The following ENPEP variants were observed in gnomAD, a reference collection of about 807,000 sequenced individuals.
The protein encoded by ENPEP is AP-A.
Under a neutral mutation model 114.5 loss-of-function variants are expected in ENPEP, and 103 were observed. That is an observed-to-expected ratio of 0.90 (90% CI 0.77 to 1.06). ENPEP has a LOEUF of 1.06. ENPEP is among the 50% of genes least tolerant of loss of function. The pLI, the probability that ENPEP is intolerant of heterozygous loss-of-function variation, is 0.00. For synonymous variants in ENPEP, 420 were observed against 422.0 expected (o/e 1.00, Z 0.06); for missense variants, 1,196 against 1,161.3 (o/e 1.03, Z -0.43).
intron 14 of ENPEP, 68 bp downstream of exon 14, chr4:110,548,394 G>C: frequency 7.5e-7 from 1 of 1,325,246 alleles, no homozygotes; most frequent in Non-Finnish European, 9.9e-7. Flanking sequence ...GATGCTTTCT[G>C]AGAGAAGGAG....
rs749749126 is a variant in ENPEP at position 110,564,459 on chromosome 4, G to A, written c.*2901G>A. ...AATAGTAGCTACCTCAATGGTAGTT[G>A]TGAGGATTAAATACAAAAATGCATG... On this transcript the variant is annotated 3_prime_UTR_variant, in exon 20 of 20. Transcript: ENST00000265162. 6 of 152,154 alleles carry A rather than the reference G, an allele frequency of 3.9e-5. No individual in the cohort carries two copies. Among genetic ancestry groups the A allele is most frequent in the African/African-American group, 1.2e-4 (5 of 41,434 alleles). 9.4% of individuals were successfully genotyped at this position (152,154 alleles called of 1,614,324 possible).
At chr4:110,530,977 G>T (rs1449139861) in intron 10 of ENPEP, among the ~76,000 whole-genome samples, 1 of 152,012 alleles carries the variant, frequency 6.6e-6, no homozygotes, top group African/African-American at 2.4e-5. Flanking sequence ...GCTAATTTTT[G>T]ATGCAATTTC....
chr4:110,506,608 C>T (rs1725376349), intron 3 of ENPEP, 29 bp from the exon 4 acceptor site: 1 of 1,571,638 alleles, frequency 6.4e-7, no homozygotes, highest in Non-Finnish European at 8.6e-7. Context: ...GAATAATTTT[C>T]ACTGAATTTT....
chr4:110,545,565 C>T lies in ENPEP; in HGVS notation c.2000+2495C>T, dbSNP rs138806321. On this transcript the variant is annotated intron_variant, in intron 13 of 19. Transcript: ENST00000265162. Reference sequence around the variant, plus strand: ...TGTCTCCCGAGTCACCGTGCTGCCTCTGGTTTCTCCAAAGTTAAGGCAAAG... The same window carrying T: ...TGTCTCCCGAGTCACCGTGCTGCCTTTGGTTTCTCCAAAGTTAAGGCAAAG... Among the ~76,000 whole-genome samples the T allele has an allele frequency of 6.0e-4, 91 of 152,116 alleles. 1 individual carries two copies. The highest frequency in any genetic ancestry group is 2.2e-3 in the African/African-American group (90 of 41,538).
intron 10 of ENPEP, among the ~76,000 whole-genome samples, chr4:110,529,323 T>A (rs745603826): frequency 3.3e-5 from 5 of 152,288 alleles, no homozygotes; most frequent in Middle Eastern, 3.4e-3. Context: ...AGATGTGGCA[T>A]CTTAGGAATG....
chr4:110,487,144 C>T (rs1724536350), intron 1 of ENPEP, among the ~76,000 whole-genome samples: 1 of 152,116 alleles, frequency 6.6e-6, no homozygotes, highest in South Asian at 2.1e-4. Context: ...AATGTTATCC[C>T]CCATGAGGAA....
At chr4:110,517,771 A>T (rs1725834766) in intron 8 of ENPEP, among the ~76,000 whole-genome samples, 1 of 152,246 alleles carries the variant, frequency 6.6e-6, no homozygotes, top group Non-Finnish European at 1.5e-5. Flanking sequence ...TATGGAATGA[A>T]TTTACACAAA....
intron 3 of ENPEP, among the ~76,000 whole-genome samples, chr4:110,500,419 C>T (rs931593737): frequency 2.6e-5 from 4 of 152,194 alleles, no homozygotes; most frequent in East Asian, 1.9e-4. Flanking sequence ...CTTTGAAAGA[C>T]GACTAATGGT....
rs756420110 is a variant in ENPEP, at chr4:110,520,207, A to G, written c.1576-8A>G. The G allele has an allele frequency of 6.2e-7, 1 of 1,611,926 alleles. No homozygotes were observed. Among genetic ancestry groups the G allele is most frequent in the Non-Finnish European group, 8.5e-7 (1 of 1,178,696 alleles). On this transcript the variant is annotated splice_region_variant and splice_polypyrimidine_tract_variant and intron_variant, in intron 9 of 19. Transcript: ENST00000265162. ...ATTAATTAATCTCCATTTTGTTTTC[A>G]ATCTTAGGCAAGTAGGCTACCAGTG...
chr4:110,541,661 T>A (rs1308192722), intron 11 of ENPEP, among the ~76,000 whole-genome samples: 1 of 152,106 alleles, frequency 6.6e-6, no homozygotes, highest in Non-Finnish European at 1.5e-5. Flanking sequence ...TTTTCCCCTC[T>A]CATAAGATGG....
intron 8 of ENPEP, chr4:110,515,968 GAT>G: frequency 3.2e-6 from 1 of 314,442 alleles, no homozygotes; most frequent in Non-Finnish European, 6.4e-6. Flanking sequence ...CCAGCCTCAC[GAT>G]ATCATCTAAA....
In ENPEP at chr4:110,549,326, A is replaced by G. The variant is rs1424365161; in HGVS notation, c.2152-20A>G. On this transcript the variant is annotated intron_variant, in intron 14 of 19. Coordinates refer to ENST00000265162, the MANE Select transcript of ENPEP (RefSeq NM_001977.4). ...TATGTAGTAAATTGTTACTTATTGT[A>G]CATAATACTTTTATTTCAGGAATAC... 1 of 1,593,966 alleles carries G rather than the reference A, an allele frequency of 6.3e-7. No individual in the cohort carries two copies. The highest frequency in any genetic ancestry group is 8.6e-7 in the Non-Finnish European group (1 of 1,162,208).
chr4:110,520,077 A>G lies in ENPEP; in HGVS notation c.1575+4A>G. The G allele has an allele frequency of 6.2e-7, 1 of 1,613,840 alleles. No homozygotes were observed. Among genetic ancestry groups the G allele is most frequent in the Non-Finnish European group, 8.5e-7 (1 of 1,179,750 alleles). ...TTTTTGGGCAGCACTGGAAGAGGTA[A>G]GGAAGAGTATATGTCCCCAAATATT... On this transcript the variant is annotated splice_donor_region_variant and intron_variant, in intron 9 of 19. Transcript: ENST00000265162.
chr4:110,515,265 G>T, intron 7 of ENPEP, 112 bp from the exon 8 acceptor site: 1 of 859,448 alleles, frequency 1.2e-6, no homozygotes, highest in South Asian at 1.6e-5. Context: ...ATCATCTTGA[G>T]GAACTAATCT....
chr4:110,525,731 A>G (rs1179992803), intron 10 of ENPEP, among the ~76,000 whole-genome samples: 1 of 152,234 alleles, frequency 6.6e-6, no homozygotes, highest in African/African-American at 2.4e-5. Context: ...CAACTCTAAT[A>G]ACCACTGGAA....
chr4:110,490,908 C>T (rs1724682827), intron 2 of ENPEP, 125 bp from the exon 3 acceptor site: 2 of 984,598 alleles, frequency 2.0e-6, no homozygotes, highest in Non-Finnish European at 3.0e-6. Context: ...AACAATTTGA[C>T]CTCTAAGCTT....
chr4:110,500,451 T>C (rs910913524), intron 3 of ENPEP, among the ~76,000 whole-genome samples: 6 of 152,196 alleles, frequency 3.9e-5, no homozygotes, highest in Non-Finnish European at 8.8e-5. Flanking sequence ...GTATACCAGG[T>C]AATTTAATTT....
chr4:110,529,903 G>A (rs1163050299), intron 10 of ENPEP, among the ~76,000 whole-genome samples: 4 of 138,254 alleles, frequency 2.9e-5, no homozygotes, highest in South Asian at 2.5e-4. Context: ...GTGAAACCCC[G>A]TCTCTACTAA....
chr4:110,494,971 G>T (rs567387357), intron 3 of ENPEP, among the ~76,000 whole-genome samples: 1 of 152,168 alleles, frequency 6.6e-6, no homozygotes, highest in Admixed American at 6.5e-5. Context: ...CAAACAAGTG[G>T]ACACACCCTG....
Sources: gnomAD v4.1 joint callset for allele counts (sites outside exome capture counted in the v4.1 genomes callset) on GRCh38, gnomAD v4.1.1 for gene constraint, MANE v1.5 for transcripts, NCBI Gene and HGNC (gene_info 2026-07-23, HGNC 2026-07-21) for gene names.